The following CHD5 variants were observed in gnomAD, a reference collection of about 807,000 sequenced individuals.
CHD5 encodes chromodomain helicase DNA binding protein 5.
Under a neutral mutation model 230.3 loss-of-function variants are expected in CHD5, and 69 were observed. The observed-to-expected ratio is 0.30, with a 90% CI of 0.25 to 0.37. The LOEUF (loss-of-function observed/expected upper bound fraction) is 0.37, where lower values mean the gene tolerates loss of function less well. Ranked by LOEUF, CHD5 falls within the 10% of genes least tolerant of loss-of-function variation. The pLI, the probability that CHD5 is intolerant of heterozygous loss-of-function variation, is 1.00. For missense variants in CHD5, 1,827 were observed against 2,622.8 expected (o/e 0.70, Z 6.63); for synonymous variants, 1,064 against 1,065.9 (o/e 1.00, Z 0.03).
chr1:6,128,543 T>A lies in CHD5; in HGVS notation c.3686A>T (p.Asn1229Ile). The A allele has an allele frequency of 1.9e-6, 3 of 1,614,126 alleles. No individual in the cohort carries two copies. The highest frequency in any genetic ancestry group is 1.7e-6 in the Non-Finnish European group (2 of 1,179,992). ...CTTCTTCTTTGCACTGGCGGCCAAG[T>A]TCCCCCCTTTGGAGGACTGGACATC... ...IPDVQSSKGG[N>I]LAASAKKKHG... The change falls in exon 24 of 42, where the codon AAC (asparagine) becomes ATC (isoleucine). Residue 1229 changes from asparagine (N) to isoleucine (I), a missense_variant. Asn to Ile is a moderately radical substitution (Grantham distance 149). Around this residue, in one of 14 missense-constraint regions of CHD5, gnomAD observed 25 missense variants for 20.3 expected, o/e 1.23. Coordinates refer to ENST00000262450, the MANE Select transcript of CHD5 (RefSeq NM_015557.3). The surrounding 1 kb of genome is among the most constrained non-coding windows in gnomAD (Gnocchi z 7.8).
In CHD5 at chr1:6,154,755, A is replaced by C; in HGVS notation, c.650T>G (p.Val217Gly). 6.2e-7 allele frequency: 1 copy of C among 1,612,100 alleles called. No individual in the cohort carries two copies. Among genetic ancestry groups the C allele is most frequent in the Non-Finnish European group, 8.5e-7 (1 of 1,179,600 alleles). Residue 217 changes from valine to glycine, a missense_variant, in exon 5 of 42, where the codon GTA becomes GGA. Around this residue, in one of 14 missense-constraint regions of CHD5, gnomAD observed 657 missense variants for 816.4 expected, o/e 0.80. Transcript: ENST00000262450. This position sits in a 1 kb window ranked among gnomAD's most constrained non-coding sequence, Gnocchi z 7.0. ...CGGAGGGGAGATGGTGACCGTCTCT[A>C]CAGCCGCAGCCACCGCCGCCGCCGC... is the stretch of plus-strand genomic sequence containing the variant. Reference protein sequence around the residue: ...AAAAAAVAAAVETVTISPPLA... With the variant: ...AAAAAAVAAAGETVTISPPLA...
chr1:6,176,352 C>T (rs774449196), intron 1 of CHD5, among the ~76,000 whole-genome samples: 11 of 152,184 alleles, frequency 7.2e-5, no homozygotes, highest in South Asian at 6.2e-4. Flanking sequence ...AGAGAGGTAA[C>T]GGTGCCTAGT....
At chr1:6,118,451 T>C (rs1007656829) in intron 33 of CHD5, among the ~76,000 whole-genome samples, 1 of 150,458 alleles carries the variant, frequency 6.6e-6, no homozygotes, top group Non-Finnish European at 1.5e-5. Flanking sequence ...AAAAACACTA[T>C]GCTAAGTGAA....
chr1:6,134,593 G>C lies in CHD5; in HGVS notation c.3012+125C>G. On this transcript the variant is annotated intron_variant, in intron 19 of 41. Transcript: ENST00000262450. The surrounding 1 kb of genome is among the most constrained non-coding windows in gnomAD (Gnocchi z 6.3). ...ATGGCCAGGGAAACCTACCATGACA[G>C]CCACAGAAATCGCCACAATGGCCAG... 6 of 1,067,610 alleles carry C rather than the reference G, an allele frequency of 5.6e-6. No individual in the cohort carries two copies. Among genetic ancestry groups the C allele is most frequent in the South Asian group, 2.8e-5 (2 of 70,666 alleles). The allele number at this position is 1,067,610 out of a possible 1,614,324, so 66.1% of individuals were successfully genotyped here. A position where few individuals can be genotyped will look rare whatever the true frequency, so the allele number is the denominator to read the frequency against.
intron 8 of CHD5, 21 bp from the exon 9 acceptor site, chr1:6,149,096 G>A (rs376604886): frequency 6.7e-5 from 99 of 1,486,268 alleles, no homozygotes; most frequent in South Asian, 1.4e-5. Flanking sequence ...AGGCCAGGTG[G>A]AGGCACCCTG....
chr1:6,127,516 G>A (rs917485553), intron 25 of CHD5, among the ~76,000 whole-genome samples: 3 of 151,986 alleles, frequency 2.0e-5, no homozygotes, highest in South Asian at 2.1e-4. Context: ...ATTGTGGGCC[G>A]TCCTGGAACG....
At chr1:6,161,903 C>T (rs1050991515) in intron 2 of CHD5, among the ~76,000 whole-genome samples, 3 of 152,178 alleles carry the variant, frequency 2.0e-5, no homozygotes, top group South Asian at 2.1e-4. Flanking sequence ...ACAAACCTAC[C>T]GAGGATGAAG....
rs551460449 is a variant in CHD5, at chr1:6,126,098, G to A, written c.4079-240C>T. Among the ~76,000 whole-genome samples the A allele has an allele frequency of 6.6e-6, 1 of 152,220 alleles. No homozygotes were observed. The highest frequency in any genetic ancestry group is 2.1e-4 in the South Asian group (1 of 4,824). Reference sequence around the variant, plus strand: ...ACTGTGTGCAAGGGACGTGCCCAAGGCCACGTCACGAGCAGTGGTGAAGTC... The same window carrying A: ...ACTGTGTGCAAGGGACGTGCCCAAGACCACGTCACGAGCAGTGGTGAAGTC... On this transcript the variant is annotated intron_variant, in intron 26 of 41. Transcript: ENST00000262450. The surrounding 1 kb of genome is among the most constrained non-coding windows in gnomAD (Gnocchi z 5.7).
chr1:6,117,120 T>G (rs550207486), intron 33 of CHD5, among the ~76,000 whole-genome samples: 2 of 151,836 alleles, frequency 1.3e-5, no homozygotes, highest in Non-Finnish European at 2.9e-5. Context: ...TAAAGAAAAT[T>G]TGATCAATCC....
At position 6,102,190 on chromosome 1, in the gene CHD5, G is replaced by C; in HGVS notation, c.*3284C>G. 1 of 217,482 alleles carries C rather than the reference G, an allele frequency of 4.6e-6. No individual in the cohort carries two copies. Among genetic ancestry groups the C allele is most frequent in the Non-Finnish European group, 9.6e-6 (1 of 103,960 alleles). The allele number at this position is 217,482 out of a possible 1,614,324, so 13.5% of individuals were successfully genotyped here. ...TCCAATCGCTGCTTGAGGAGTTCAG[G>C]ACACACACACACACCCAACGGGCCC... On this transcript the variant is annotated 3_prime_UTR_variant, in exon 42 of 42. Coordinates refer to ENST00000262450, the MANE Select transcript of CHD5 (RefSeq NM_015557.3).
At position 6,142,438 on chromosome 1, in the gene CHD5, C is replaced by G. The variant is rs918874605; in HGVS notation, c.2211G>C (p.Val737=). 6.5e-5 allele frequency: 104 copies of G among 1,611,486 alleles called. No individual in the cohort carries two copies. Among genetic ancestry groups the G allele is most frequent in the Admixed American group, 1.0e-4 (6 of 59,916 alleles). The change falls in exon 14 of 42, where the codon GTG becomes GTC. Residue 737 remains valine (V), a synonymous_variant. Coordinates refer to ENST00000262450, the MANE Select transcript of CHD5 (RefSeq NM_015557.3). This position sits in a 1 kb window ranked among gnomAD's most constrained non-coding sequence, Gnocchi z 5.2. ...CCTCCTTGTAGAGGGAGTAAAGGAA[C>G]ACGATGGTCTGCACCGTCTTGCCCA... ...MGLGKTVQTI[V]FLYSLYKEGH...
At chr1:6,169,336 C>T (rs1667301729) in intron 1 of CHD5, among the ~76,000 whole-genome samples, 1 of 152,232 alleles carries the variant, frequency 6.6e-6, no homozygotes, top group African/African-American at 2.4e-5. Flanking sequence ...GCCCAGCACA[C>T]GTGGGTGTTC....
chr1:6,141,238 G>A (rs12065171), intron 15 of CHD5, among the ~76,000 whole-genome samples: 1,878 of 150,702 alleles, frequency 0.012, 36 homozygotes, highest in African/African-American at 0.038. Context: ...AGCTGAGATC[G>A]TGCCATACTG....
At chr1:6,158,759 G>A (rs908120838) in intron 3 of CHD5, among the ~76,000 whole-genome samples, 2 of 152,154 alleles carry the variant, frequency 1.3e-5, no homozygotes, top group African/African-American at 4.8e-5. Context: ...TGTAATCCCA[G>A]CACTTTGGGA....
rs1442754043 is a variant in CHD5 at position 6,129,152 on chromosome 1, A to G, written c.3388-83T>C. ...AGATCACACCCATGAGCTCAAGAGC[A>G]TGGAATGGGCTGCATGACTGTGTAG... On this transcript the variant is annotated intron_variant, in intron 22 of 41. Transcript: ENST00000262450. The surrounding 1 kb of genome is among the most constrained non-coding windows in gnomAD (Gnocchi z 6.8). 2 of 933,066 alleles carry G rather than the reference A, an allele frequency of 2.1e-6. No individual in the cohort carries two copies. Among genetic ancestry groups the G allele is most frequent in the Non-Finnish European group, 3.3e-6 (2 of 601,534 alleles). 57.8% of individuals were successfully genotyped at this position (933,066 alleles called of 1,614,324 possible). A position where few individuals can be genotyped will look rare whatever the true frequency, so the allele number is the denominator to read the frequency against.
chr1:6,125,523 C>T lies in CHD5; in HGVS notation c.4260+1G>A, dbSNP rs1309298706. On this transcript the variant is annotated splice_donor_variant, in intron 28 of 41. Transcript: ENST00000262450. LOFTEE classifies it high-confidence loss of function. This position sits in a 1 kb window ranked among gnomAD's most constrained non-coding sequence, Gnocchi z 6.7. ...GAGATGCGGGAACAGACAGGCCCCA[C>T]CTCGATGTTGCCACCAACTCGGGCG... 6.3e-7 allele frequency: 1 copy of T among 1,577,028 alleles called. No individual in the cohort carries two copies. Among genetic ancestry groups the T allele is most frequent in the East Asian group, 2.3e-5 (1 of 42,694 alleles).
chr1:6,127,599 G>GAAACCAGA (rs1373661829), intron 25 of CHD5, among the ~76,000 whole-genome samples: 1 of 152,164 alleles, frequency 6.6e-6, no homozygotes, highest in Non-Finnish European at 1.5e-5. Flanking sequence ...GGTAGGGACT[G>GAAACCAGA]AAACCAGACC....
chr1:6,149,215 G>A lies in CHD5; in HGVS notation c.1161+31C>T, dbSNP rs147024359. ...GGGTGGGGGAGCCAGGCGTGGCCCC[G>A]CCCCCAGCCCGGGGCTCTGCCAAGG... On this transcript the variant is annotated intron_variant, in intron 8 of 41. Coordinates refer to ENST00000262450, the MANE Select transcript of CHD5 (RefSeq NM_015557.3). The A allele has an allele frequency of 3.0e-4, 469 of 1,538,126 alleles. 3 individuals are homozygous for A. In the African/African-American group the frequency reaches 5.6e-3, roughly 18 times the overall value.
rs998934420 is a variant in CHD5 at position 6,155,043 on chromosome 1, C to T, written c.507-145G>A. On this transcript the variant is annotated intron_variant, in intron 4 of 41. Coordinates refer to ENST00000262450, the MANE Select transcript of CHD5 (RefSeq NM_015557.3). The surrounding 1 kb of genome is among the most constrained non-coding windows in gnomAD (Gnocchi z 4.0). Reference sequence around the variant, plus strand: ...CTGATTAGAGAGATTAGGCGGGAAACCCACTGACCACAGCCCACCCCCAAA... The same window carrying T: ...CTGATTAGAGAGATTAGGCGGGAAATCCACTGACCACAGCCCACCCCCAAA... 3.9e-6 allele frequency: 3 copies of T among 778,302 alleles called. No homozygotes were observed. The African/African-American group carries it at 5.3e-5, about 14-fold the overall frequency. 48.2% of individuals were successfully genotyped at this position (778,302 alleles called of 1,614,324 possible). A position where few individuals can be genotyped will look rare whatever the true frequency, so the allele number is the denominator to read the frequency against.
Sources: allele counts gnomAD v4.1 joint callset (sites outside exome capture counted in the v4.1 genomes callset), GRCh38; gene constraint gnomAD v4.1.1; regional missense constraint gnomAD v4.1.1; non-coding constraint Gnocchi (gnomAD v3.1); transcripts MANE v1.5; gene names NCBI Gene and HGNC (gene_info 2026-07-23, HGNC 2026-07-21).